ADGRB3: variants seen among roughly 807,000 people sequenced by gnomAD.
The protein encoded by ADGRB3 is adhesion G protein-coupled receptor B3, also known as brain-specific angiogenesis inhibitor 3.
In ADGRB3, 37 loss-of-function variants were observed where a neutral mutation model predicts 193.4. The ratio of observed to expected loss-of-function variants is 0.19; its 90% CI spans 0.15 to 0.25. The LOEUF is 0.25. ADGRB3 is among the 10% of genes least tolerant of loss of function. ADGRB3 has a pLI of 1.00. For synonymous variants in ADGRB3, 690 were observed against 644.2 expected (o/e 1.07, Z -1.08); for missense variants, 1,637 against 1,852.9 (o/e 0.88, Z 2.14).
intron 15 of ADGRB3, among the ~76,000 whole-genome samples, chr6:69,062,219 GA>G (rs1339393539): frequency 1.3e-5 from 2 of 151,412 alleles, no homozygotes; most frequent in African/African-American, 4.8e-5. Context: ...ACATATACTA[GA>G]AAAAGTTGGT....
chr6:68,716,450 G>T (rs1419952667), intron 3 of ADGRB3, among the ~76,000 whole-genome samples: 1 of 151,076 alleles, frequency 6.6e-6, no homozygotes, highest in Non-Finnish European at 1.5e-5. Flanking sequence ...TGTTTTACTG[G>T]TTCTGTAATA....
chr6:68,704,795 T>C (rs1232677840), intron 3 of ADGRB3, among the ~76,000 whole-genome samples: 1 of 152,128 alleles, frequency 6.6e-6, no homozygotes, highest in Admixed American at 6.6e-5. Flanking sequence ...GAAAGTAAAA[T>C]CCTGTATCAT....
chr6:69,374,112 G>A (rs1243821422), intron 30 of ADGRB3, among the ~76,000 whole-genome samples: 1 of 152,020 alleles, frequency 6.6e-6, no homozygotes, highest in Admixed American at 6.6e-5. Context: ...TTTAATTGCT[G>A]TAATCACTGC....
At chr6:69,067,944 T>A (rs1261831710) in intron 16 of ADGRB3, among the ~76,000 whole-genome samples, 2 of 152,142 alleles carry the variant, frequency 1.3e-5, no homozygotes, top group Non-Finnish European at 2.9e-5. Context: ...GTCAGCAAAC[T>A]TTTTTAGATA....
chr6:68,785,481 T>A (rs1766947644), intron 3 of ADGRB3, among the ~76,000 whole-genome samples: 1 of 152,066 alleles, frequency 6.6e-6, no homozygotes, highest in African/African-American at 2.4e-5. Flanking sequence ...ACAAAGGACA[T>A]GAACTCATCA....
intron 16 of ADGRB3, 112 bp downstream of exon 16, chr6:69,063,148 T>C: frequency 1.4e-6 from 1 of 718,316 alleles, no homozygotes; most frequent in Non-Finnish European, 2.3e-6. Flanking sequence ...GTTGCAAATA[T>C]ATTAACTTGT....
chr6:68,796,292 T>C (rs1358406887), intron 3 of ADGRB3, among the ~76,000 whole-genome samples: 1 of 152,134 alleles, frequency 6.6e-6, no homozygotes, highest in Non-Finnish European at 1.5e-5. Flanking sequence ...CTGTACTGAC[T>C]GGAATCTGCC....
At chr6:68,717,862 G>T (rs1185620193) in intron 3 of ADGRB3, among the ~76,000 whole-genome samples, 1 of 151,586 alleles carries the variant, frequency 6.6e-6, no homozygotes, top group Non-Finnish European at 1.5e-5. Flanking sequence ...ACAATGAAAA[G>T]AAATTGTATA....
At chr6:68,871,482 T>G (rs1036296942) in intron 3 of ADGRB3, among the ~76,000 whole-genome samples, 2 of 152,152 alleles carry the variant, frequency 1.3e-5, no homozygotes, top group Non-Finnish European at 2.9e-5. Flanking sequence ...TAATCAATTT[T>G]GTACTCATTA....
intron 3 of ADGRB3, among the ~76,000 whole-genome samples, chr6:68,886,804 T>C (rs1049936650): frequency 2.0e-5 from 3 of 152,010 alleles, no homozygotes; most frequent in Admixed American, 2.0e-4. Flanking sequence ...AAATGAGATT[T>C]TATGTCTAAA....
At chr6:68,839,051 CTCTT>C (rs1333341368) in intron 3 of ADGRB3, among the ~76,000 whole-genome samples, 1 of 149,234 alleles carries the variant, frequency 6.7e-6, no homozygotes, top group Non-Finnish European at 1.5e-5. Context: ...CTTTCTCTCT[CTCTT>C]CCTTCCTCTC....
chr6:69,282,780 G>A (rs1042557295), intron 20 of ADGRB3, among the ~76,000 whole-genome samples: 1 of 152,068 alleles, frequency 6.6e-6, no homozygotes, highest in African/African-American at 2.4e-5. Context: ...TAAATCACTA[G>A]GTACCATGTA....
chr6:68,706,980 G>A lies in ADGRB3; in HGVS notation c.757+67548G>A, dbSNP rs562006218. On this transcript the variant is annotated intron_variant, in intron 3 of 31. Transcript: ENST00000370598. ...CAAAAAATTAGCCGGGCATGGTGGC[G>A]GGTACCTGTAGACCAAGCTACTTGG... Among the ~76,000 whole-genome samples, 189 of 151,940 alleles carry A rather than the reference G, an allele frequency of 1.2e-3. 1 individual carries two copies. The highest frequency in any genetic ancestry group is 2.2e-3 in the Non-Finnish European group (148 of 67,942).
intron 17 of ADGRB3, among the ~76,000 whole-genome samples, chr6:69,104,471 A>G (rs1342611330): frequency 2.6e-5 from 4 of 151,764 alleles, no homozygotes; most frequent in Admixed American, 2.0e-4. Context: ...AGTCTTTGCT[A>G]TTGTGAATAA....
At chr6:68,934,367 A>G (rs895021186) in intron 4 of ADGRB3, among the ~76,000 whole-genome samples, 1 of 152,172 alleles carries the variant, frequency 6.6e-6, no homozygotes, top group Non-Finnish European at 1.5e-5. Context: ...ATACATTCAG[A>G]AGCAACCCAA....
intron 17 of ADGRB3, among the ~76,000 whole-genome samples, chr6:69,204,757 C>CT (rs1027780459): frequency 4.0e-5 from 6 of 151,740 alleles, no homozygotes; most frequent in East Asian, 1.9e-4. Flanking sequence ...TTCTTTTTTT[C>CT]TTTTTTTTAG....
chr6:68,659,896 CTAT>C (rs964098154), intron 3 of ADGRB3, among the ~76,000 whole-genome samples: 5 of 151,036 alleles, frequency 3.3e-5, no homozygotes, highest in Non-Finnish European at 5.9e-5. Context: ...GGATTAACTA[CTAT>C]TAATTCTTGC....
At chr6:68,887,897 G>C (rs147449782) in intron 3 of ADGRB3, among the ~76,000 whole-genome samples, 1 of 152,048 alleles carries the variant, frequency 6.6e-6, no homozygotes, top group African/African-American at 2.4e-5. Flanking sequence ...TTCCAAGTTC[G>C]TTATGAACAA....
At chr6:69,011,943 C>A (rs533189556) in intron 11 of ADGRB3, among the ~76,000 whole-genome samples, 1 of 151,990 alleles carries the variant, frequency 6.6e-6, no homozygotes, top group African/African-American at 2.4e-5. Context: ...CTTCCCACTC[C>A]GATTTAGTAA....
Sources: gnomAD v4.1 joint callset for allele counts (sites outside exome capture counted in the v4.1 genomes callset) on GRCh38, gnomAD v4.1.1 for gene constraint, MANE v1.5 for transcripts, NCBI Gene and HGNC (gene_info 2026-07-23, HGNC 2026-07-21) for gene names.